TENT5C: variants seen among roughly 807,000 people sequenced by gnomAD.
TENT5C encodes terminal nucleotidyltransferase 5C.
Under a neutral mutation model 22.2 loss-of-function variants are expected in TENT5C, and 5 were observed. That is an observed-to-expected ratio of 0.22 (90% CI 0.12 to 0.47). The LOEUF is 0.47. Ranked by LOEUF, TENT5C falls within the 20% of genes least tolerant of loss-of-function variation. The pLI, the probability that TENT5C is intolerant of heterozygous loss-of-function variation, is 0.99. For synonymous variants in TENT5C, 199 were observed against 195.4 expected (o/e 1.02, Z -0.15); for missense variants, 364 against 500.9 (o/e 0.73, Z 2.61).
chr1:117,624,058 G>A lies in TENT5C; in HGVS notation c.*14G>A, dbSNP rs1653956676. The A allele has an allele frequency of 6.3e-7, 1 of 1,599,120 alleles. No individual in the cohort carries two copies. The highest frequency in any genetic ancestry group is 8.5e-7 in the Non-Finnish European group (1 of 1,171,404). ...CCCTGTAACTAACCTTGAGACCTGA[G>A]GGTTTCCACAGTGGGAACCCCAATA... On this transcript the variant is annotated 3_prime_UTR_variant, in exon 2 of 2. Coordinates refer to ENST00000369448, the MANE Select transcript of TENT5C (RefSeq NM_017709.4).
intron 1 of TENT5C, among the ~76,000 whole-genome samples, chr1:117,620,082 C>T (rs910244811): frequency 2.4e-4 from 37 of 152,104 alleles, no homozygotes; most frequent in Admixed American, 2.3e-3. Flanking sequence ...AACTCTCAAC[C>T]CTGTGTACTT....
chr1:117,608,390 C>A (rs1042432670), intron 1 of TENT5C, among the ~76,000 whole-genome samples: 2 of 152,150 alleles, frequency 1.3e-5, no homozygotes, highest in African/African-American at 2.4e-5. Context: ...AGGCCCGTCC[C>A]CCCTCAGCTG....
chr1:117,607,388 A>G (rs1337841100), intron 1 of TENT5C, among the ~76,000 whole-genome samples: 3 of 152,218 alleles, frequency 2.0e-5, no homozygotes, highest in Non-Finnish European at 2.9e-5. Flanking sequence ...ACGGAGATAT[A>G]AAGTGCATAC....
intron 1 of TENT5C, among the ~76,000 whole-genome samples, chr1:117,617,042 G>A (rs1453055782): frequency 6.6e-6 from 1 of 152,192 alleles, no homozygotes; most frequent in Non-Finnish European, 1.5e-5. Context: ...CGAATTGACT[G>A]TGTGCAAATG....
In TENT5C at chr1:117,623,387, T is replaced by C. The variant is rs1346748865; in HGVS notation, c.519T>C (p.Ile173=). The change falls in exon 2 of 2, where the codon ATT becomes ATC. Residue 173 remains isoleucine (I), a synonymous_variant. Coordinates refer to ENST00000369448, the MANE Select transcript of TENT5C (RefSeq NM_017709.4). The stretch of plus-strand genomic sequence containing the variant: ...TGGAGCTGAAGTTTGTCGACTCCAT[T>C]CGGCGTCAGTTTGAGTTCAGTGTGG... The part of the protein sequence containing the change: ...KNVELKFVDS[I]RRQFEFSVDS... 6 of 1,613,994 alleles carry C rather than the reference T, an allele frequency of 3.7e-6. No homozygotes were observed. In the African/African-American group the frequency reaches 5.3e-5, roughly 14 times the overall value.
Position 117,622,316 on chromosome 1 carries a change from CGTGTGTG to C in TENT5C, c.-27-525_-27-519del, listed in dbSNP as rs1289352369. On this transcript the variant is annotated intron_variant, in intron 1 of 1. Transcript: ENST00000369448. ...CATCTACTTGTGGAGTGAAGGAAGT[CGTGTGTG>C]TGTGTGTGTGTGTGTGTGTGTGTGT... 5.3e-5 allele frequency among the ~76,000 whole-genome samples: 8 copies of C among 149,550 alleles called. No homozygotes were observed. In the East Asian group the frequency reaches 1.6e-3, roughly 29 times the overall value.
At chr1:117,606,645 C>G (rs1380181339) in intron 1 of TENT5C, among the ~76,000 whole-genome samples, 2 of 152,144 alleles carry the variant, frequency 1.3e-5, no homozygotes, top group East Asian at 3.9e-4. Flanking sequence ...TTCGCCGGCC[C>G]GCCGAGTGTG....
intron 1 of TENT5C, among the ~76,000 whole-genome samples, chr1:117,607,586 C>T (rs1653569142): frequency 1.3e-5 from 2 of 152,158 alleles, no homozygotes; most frequent in Admixed American, 6.5e-5. Context: ...GCTCAGCTGC[C>T]CTCTGCGTGC....
Position 117,609,872 on chromosome 1 carries a change from C to T in TENT5C, c.-28+3719C>T, listed in dbSNP as rs75193537. Among the ~76,000 whole-genome samples the T allele has an allele frequency of 8.5e-4, 129 of 152,020 alleles. 2 individuals carry two copies. The East Asian group carries it at 0.022, about 26-fold the overall frequency. The stretch of plus-strand genomic sequence containing the variant: ...TGAAGTGGGAGTTCTCTTGGTGGAC[C>T]GAGGCAGGCAGGCCAATGGCTGAGT... On this transcript the variant is annotated intron_variant, in intron 1 of 1. Transcript: ENST00000369448.
In TENT5C at chr1:117,608,391, C is replaced by A. The variant is rs535358149; in HGVS notation, c.-28+2238C>A. Among the ~76,000 whole-genome samples the A allele has an allele frequency of 8.5e-5, 13 of 152,276 alleles. No individual in the cohort carries two copies. The South Asian group carries it at 2.7e-3, about 32-fold the overall frequency. On this transcript the variant is annotated intron_variant, in intron 1 of 1. Coordinates refer to ENST00000369448, the MANE Select transcript of TENT5C (RefSeq NM_017709.4). ...CTCCCGAGTTCCAGAGGCCCGTCCC[C>A]CCTCAGCTGTATCTCCCCATAGTGC...
chr1:117,622,689 A>G (rs1411488564), intron 1 of TENT5C, among the ~76,000 whole-genome samples, 153 bp from the exon 2 acceptor site: 1 of 152,184 alleles, frequency 6.6e-6, no homozygotes, highest in Non-Finnish European at 1.5e-5. Flanking sequence ...TTACATATTT[A>G]ACTCATTGAG....
In TENT5C at chr1:117,624,164, C is replaced by G. The variant is rs75632243; in HGVS notation, c.*120C>G. 3.2e-6 allele frequency: 2 copies of G among 629,258 alleles called. No homozygotes were observed. Among genetic ancestry groups the G allele is most frequent in the Non-Finnish European group, 5.3e-6 (2 of 379,520 alleles). 39.0% of individuals were successfully genotyped at this position (629,258 alleles called of 1,614,324 possible). A position where few individuals can be genotyped will look rare whatever the true frequency, so the allele number is the denominator to read the frequency against. The stretch of plus-strand genomic sequence containing the variant: ...AAAGGGGAACTCAGCTCTGATTCTG[C>G]TTTTTTTTTTTTTTTTCCTTTGTGT... On this transcript the variant is annotated 3_prime_UTR_variant, in exon 2 of 2. Transcript: ENST00000369448.
rs200686556 is a variant in TENT5C at position 117,622,851 on chromosome 1, C to G, written c.-18C>G. Reference sequence around the variant, plus strand: ...CACCCCTCACTTTCAGTTTCCCCAGCCAGAACATCCCCTGAAGATGGCAGA... The same window carrying G: ...CACCCCTCACTTTCAGTTTCCCCAGGCAGAACATCCCCTGAAGATGGCAGA... On this transcript the variant is annotated 5_prime_UTR_variant, in exon 2 of 2. Coordinates refer to ENST00000369448, the MANE Select transcript of TENT5C (RefSeq NM_017709.4). The G allele has an allele frequency of 2.5e-5, 40 of 1,599,612 alleles. No homozygotes were observed. The East Asian group carries it at 3.1e-4, about 13-fold the overall frequency.
At chr1:117,607,073 G>A (rs976741054) in intron 1 of TENT5C, among the ~76,000 whole-genome samples, 2 of 152,182 alleles carry the variant, frequency 1.3e-5, no homozygotes, top group Admixed American at 1.3e-4. Context: ...AGGGTGGGAG[G>A]CGAGTCAGAG....
intron 1 of TENT5C, among the ~76,000 whole-genome samples, chr1:117,617,229 A>G (rs1406107491): frequency 6.6e-6 from 1 of 152,040 alleles, no homozygotes; most frequent in Non-Finnish European, 1.5e-5. Flanking sequence ...TCAGTGCTCA[A>G]ACATAGGTTT....
chr1:117,608,855 G>A (rs1653602944), intron 1 of TENT5C, among the ~76,000 whole-genome samples: 3 of 150,974 alleles, frequency 2.0e-5, no homozygotes, highest in Admixed American at 2.0e-4. Flanking sequence ...GGGGTTTCTT[G>A]GTTTCACACC....
intron 1 of TENT5C, among the ~76,000 whole-genome samples, chr1:117,617,622 T>A (rs543100565): frequency 2.4e-4 from 36 of 152,358 alleles, no homozygotes; most frequent in African/African-American, 7.9e-4. Flanking sequence ...TTAATTTGAA[T>A]TTACTAGGCT....
At position 117,626,149 on chromosome 1, in the gene TENT5C, A is replaced by AT. The variant is rs1231945776; in HGVS notation, c.*2106dup. ...TTTGAAATGTGATGAAGCCACCAAC[A>AT]TAAGCACTTGCCTAACAGAAATCAG... On this transcript the variant is annotated 3_prime_UTR_variant, in exon 2 of 2. Coordinates refer to ENST00000369448, the MANE Select transcript of TENT5C (RefSeq NM_017709.4). The AT allele has an allele frequency of 8.1e-6, 2 of 247,512 alleles. No homozygotes were observed. Among genetic ancestry groups the AT allele is most frequent in the African/African-American group, 4.4e-5 (2 of 45,150 alleles). 15.3% of individuals were successfully genotyped at this position (247,512 alleles called of 1,614,324 possible).
Position 117,624,137 on chromosome 1 carries a change from T to A in TENT5C, c.*93T>A. ...CCTTCTAGATGTAGGCATTTGGCTT[T>A]TAAAGGGGAACTCAGCTCTGATTCT... On this transcript the variant is annotated 3_prime_UTR_variant, in exon 2 of 2. Transcript: ENST00000369448. 2 of 1,092,112 alleles carry A rather than the reference T, an allele frequency of 1.8e-6. No homozygotes were observed. The highest frequency in any genetic ancestry group is 2.6e-6 in the Non-Finnish European group (2 of 771,916). 67.7% of individuals were successfully genotyped at this position (1,092,112 alleles called of 1,614,324 possible).
Sources: gnomAD v4.1 joint callset for allele counts (sites outside exome capture counted in the v4.1 genomes callset) on GRCh38, gnomAD v4.1.1 for gene constraint, MANE v1.5 for transcripts, NCBI Gene and HGNC (gene_info 2026-07-23, HGNC 2026-07-21) for gene names.